Variants in GSTA1 observed in about 807,000 individuals in gnomAD.
GSTA1 encodes glutathione S-transferase A1.
A neutral mutation model predicts 21.5 loss-of-function variants in GSTA1; 23 were observed. That is an observed-to-expected ratio of 1.07 (90% CI 0.77 to 1.52). The LOEUF (loss-of-function observed/expected upper bound fraction) is 1.52. Ranked by LOEUF, GSTA1 falls within the 40% of genes most tolerant of loss-of-function variation. The pLI is 0.00. For missense variants in GSTA1, 301 were observed against 264.2 expected (o/e 1.14, Z -0.96); for synonymous variants, 125 against 90.0 (o/e 1.39, Z -2.20).
intron 5 of GSTA1, among the ~76,000 whole-genome samples, chr6:52,793,875 T>C (rs1763514491): frequency 6.6e-6 from 1 of 152,200 alleles, no homozygotes; most frequent in Admixed American, 6.5e-5. Context: ...ACATGAAATC[T>C]TGTTGAACAG....
intron 1 of GSTA1, 102 bp from the exon 2 acceptor site, chr6:52,799,399 T>G (rs1407634837): frequency 5.4e-6 from 4 of 739,148 alleles, no homozygotes; most frequent in Non-Finnish European, 8.7e-6. Context: ...AGAAGAACCT[T>G]CCTTCTTCAT....
rs1168223348 is a variant in GSTA1 at position 52,791,993 on chromosome 6, A to C, written c.547-13T>G. The C allele has an allele frequency of 1.2e-6, 2 of 1,613,884 alleles. No homozygotes were observed. The highest frequency in any genetic ancestry group is 1.7e-4 in the Middle Eastern group (1 of 6,050). ...TGGTTTTCAGGGCCTGTAATTCATAAAGCACAGCCTCAGAGTGAAGCCAAG... is the reference window on the plus strand; with the variant it reads ...TGGTTTTCAGGGCCTGTAATTCATACAGCACAGCCTCAGAGTGAAGCCAAG... On this transcript the variant is annotated splice_polypyrimidine_tract_variant and intron_variant, in intron 6 of 6. Transcript: ENST00000334575.
chr6:52,796,664 C>T (rs1221499346), intron 3 of GSTA1, among the ~76,000 whole-genome samples: 1 of 149,168 alleles, frequency 6.7e-6, no homozygotes, highest in African/African-American at 2.5e-5. Flanking sequence ...CTACCTCAGC[C>T]TCCCAATAGC....
In GSTA1 at chr6:52,792,938, C is replaced by A. The variant is rs147931601; in HGVS notation, c.464G>T (p.Arg155Leu). 1.3e-5 allele frequency: 21 copies of A among 1,613,984 alleles called. No individual in the cohort carries two copies. The highest frequency in any genetic ancestry group is 3.3e-4 in the Middle Eastern group (2 of 6,084). Residue 155 changes from arginine (R) to leucine (L), a missense_variant, in exon 6 of 7, where the codon CGG (arginine) becomes CTG (leucine). By Grantham distance (102) the Arg-to-Leu change is moderately radical (BLOSUM62 -2). Transcript: ENST00000334575. ...AAGTTCCACCAGATGAATGTCAGCCCGGCTCAGCTTGTTGCCAACAAGGTA... is the reference window on the plus strand; with the variant it reads ...AAGTTCCACCAGATGAATGTCAGCCAGGCTCAGCTTGTTGCCAACAAGGTA... ...QDYLVGNKLS[R>L]ADIHLVELLY...
In GSTA1 at chr6:52,792,070, G is replaced by C; in HGVS notation, c.547-90C>G. On this transcript the variant is annotated intron_variant, in intron 6 of 6. Transcript: ENST00000334575. ...AGGGAATCTGAGCCCCTCCTGCAAA[G>C]ACCAAGTGAGTCTGCTCCATCAGCA... 3 of 1,559,832 alleles carry C rather than the reference G, an allele frequency of 1.9e-6. No individual in the cohort carries two copies. In the South Asian group the frequency reaches 3.6e-5, roughly 19 times the overall value.
intron 1 of GSTA1, 24 bp downstream of exon 1, chr6:52,803,761 G>T (rs775158073): frequency 1.7e-5 from 3 of 180,588 alleles, no homozygotes; most frequent in African/African-American, 4.7e-5. Context: ...GCAATGTAGA[G>T]AAATTTATAA....
rs140712370 is a variant in GSTA1, at chr6:52,793,039, C to T, written c.415-52G>A. On this transcript the variant is annotated intron_variant, in intron 5 of 6. Transcript: ENST00000334575. ...GAACACATGCACACCCAGGCTAGGA[C>T]CCCTGCTTCTTTCGGAGCCTCTCCA... 5,048 of 1,612,540 alleles carry T rather than the reference C, an allele frequency of 3.1e-3. 20 individuals are homozygous for T. The highest frequency in any genetic ancestry group is 3.3e-3 in the Non-Finnish European group (3,948 of 1,178,798).
At chr6:52,794,630 T>C (rs776326310) in intron 4 of GSTA1, among the ~76,000 whole-genome samples, 48 of 152,216 alleles carry the variant, frequency 3.2e-4, no homozygotes, top group East Asian at 2.1e-3. Flanking sequence ...GTGAGTCAAA[T>C]GGCCAAAGAC....
At chr6:52,792,709 T>G in intron 6 of GSTA1, 147 bp downstream of exon 6, 7 of 1,588,402 alleles carry the variant, frequency 4.4e-6, no homozygotes, top group Non-Finnish European at 6.0e-6. Context: ...TTCCTCAAAA[T>G]TGGAGCCTGG....
intron 1 of GSTA1, among the ~76,000 whole-genome samples, chr6:52,803,430 T>C (rs1763761416): frequency 6.6e-6 from 1 of 152,222 alleles, no homozygotes; most frequent in African/African-American, 2.4e-5. Flanking sequence ...GTGTGTTGAC[T>C]ACTTACACAG....
intron 4 of GSTA1, 74 bp from the exon 5 acceptor site, chr6:52,794,340 A>T (rs1485434320): frequency 6.8e-7 from 1 of 1,478,698 alleles, no homozygotes; most frequent in Non-Finnish European, 9.2e-7. Context: ...AACCTAAGGG[A>T]GTAGAGTATC....
rs1051873 is a variant in GSTA1 at position 52,792,886 on chromosome 6, G to A, written c.516C>T (p.Ser172=). ...ELLYYVEELD[S]SLISSFPLLK... ...GCAGAGGGAAGCTGGAGATAAGACT[G>A]GAGTCAAGCTCCTCGACGTAGTAGA... The change falls in exon 6 of 7, where the codon TCC becomes TCT. Residue 172 remains serine, a synonymous_variant. Coordinates refer to ENST00000334575, the MANE Select transcript of GSTA1 (RefSeq NM_145740.5). The A allele has an allele frequency of 6.2e-7, 1 of 1,614,030 alleles. No individual in the cohort carries two copies. The highest frequency in any genetic ancestry group is 8.5e-7 in the Non-Finnish European group (1 of 1,179,964).
chr6:52,799,978 T>TAAAC (rs1381413890), intron 1 of GSTA1, among the ~76,000 whole-genome samples: 1 of 152,232 alleles, frequency 6.6e-6, no homozygotes, highest in East Asian at 1.9e-4. Context: ...CAGACTTGTT[T>TAAAC]AACTGTAGCT....
chr6:52,803,200 C>A (rs1763756473), intron 1 of GSTA1, among the ~76,000 whole-genome samples: 1 of 152,138 alleles, frequency 6.6e-6, no homozygotes, highest in Non-Finnish European at 1.5e-5. Flanking sequence ...GTTTAAAGGG[C>A]AGCAACAGTC....
chr6:52,796,860 C>T (rs184349673), intron 3 of GSTA1, among the ~76,000 whole-genome samples: 1 of 151,922 alleles, frequency 6.6e-6, no homozygotes, highest in East Asian at 1.9e-4. Context: ...TTTTAAAAAG[C>T]TTCCTGTAGT....
intron 2 of GSTA1, among the ~76,000 whole-genome samples, chr6:52,798,383 A>G (rs565193577): frequency 7.8e-6 from 1 of 128,200 alleles, no homozygotes; most frequent in Admixed American, 8.2e-5. Flanking sequence ...GCCCCAGGGC[A>G]GGGACTGTGT....
chr6:52,794,229 C>T lies in GSTA1; in HGVS notation c.310G>A (p.Glu104Lys), dbSNP rs374463790. 18 of 1,613,650 alleles carry T rather than the reference C, an allele frequency of 1.1e-5. No individual in the cohort carries two copies. Among genetic ancestry groups the T allele is most frequent in the Admixed American group, 1.7e-5 (1 of 59,990 alleles). Residue 104 changes from glutamate (E) to lysine (K), a missense_variant, in exon 5 of 7, where the codon GAA (glutamate) becomes AAA (lysine). Transcript: ENST00000334575. ...MYIEGIADLG[E>K]MILLLPVCPP... ...CATACGGGCAGAAGGAGGATCATTTCACCCAAATCTGCTATACCTTCTATA... is the reference window on the plus strand; with the variant it reads ...CATACGGGCAGAAGGAGGATCATTTTACCCAAATCTGCTATACCTTCTATA...
chr6:52,794,811 G>T (rs4715327), intron 4 of GSTA1, among the ~76,000 whole-genome samples: 5 of 152,278 alleles, frequency 3.3e-5, no homozygotes, highest in Non-Finnish European at 7.4e-5. Context: ...GTGCTGTTGC[G>T]CAACTCTAGC....
chr6:52,799,852 T>C (rs1322040799), intron 1 of GSTA1, among the ~76,000 whole-genome samples: 2 of 152,160 alleles, frequency 1.3e-5, no homozygotes, highest in East Asian at 3.9e-4. Context: ...TGGGAACCCA[T>C]GAACTGGCCA....
Sources: gnomAD v4.1 joint callset for allele counts (sites outside exome capture counted in the v4.1 genomes callset) on GRCh38, gnomAD v4.1.1 for gene constraint, MANE v1.5 for transcripts, NCBI Gene and HGNC (gene_info 2026-07-23, HGNC 2026-07-21) for gene names.